Variants in FGF12 observed in about 807,000 individuals in gnomAD.
FGF12 encodes fibroblast growth factor 12.
Under a neutral mutation model 23.6 loss-of-function variants are expected in FGF12, and 14 were observed. The observed-to-expected ratio is 0.59, with a 90% CI of 0.39 to 0.93. The LOEUF (loss-of-function observed/expected upper bound fraction) is 0.93, where lower values mean the gene tolerates loss of function less well. Among genes scored for constraint, FGF12 ranks in the 40% least tolerant of loss-of-function variants. The pLI, the probability that FGF12 is intolerant of heterozygous loss-of-function variation, is 0.00. For missense variants in FGF12, 175 were observed against 217.8 expected (o/e 0.80, Z 1.24); for synonymous variants, 62 against 77.3 (o/e 0.80, Z 1.04).
chr3:192,194,232 T>A (rs113303588), intron 4 of FGF12, among the ~76,000 whole-genome samples: 1 of 152,226 alleles, frequency 6.6e-6, no homozygotes, highest in African/African-American at 2.4e-5. Flanking sequence ...TATCTTGTGG[T>A]CTGCCCAAAT....
rs151012248 is a variant in FGF12, at chr3:192,539,889, A to G, written c.14-179351T>C. 3.9e-4 allele frequency among the ~76,000 whole-genome samples: 59 copies of G among 152,004 alleles called. No individual in the cohort carries two copies. In the East Asian group the frequency reaches 8.9e-3, roughly 23 times the overall value. ...GTTTCAATCTTGGTGGGTTATATGC[A>G]TCTAGGAATGTATGCATTTCTTCTA... is the stretch of plus-strand genomic sequence containing the variant. On this transcript the variant is annotated intron_variant, in intron 2 of 5. Transcript: ENST00000445105.
At chr3:192,640,692 T>C (rs578122511) in intron 2 of FGF12, among the ~76,000 whole-genome samples, 2 of 152,354 alleles carry the variant, frequency 1.3e-5, no homozygotes, top group South Asian at 2.1e-4. Flanking sequence ...TTCATTTTTC[T>C]ATATACAATT....
chr3:192,542,610 T>G (rs1725398307), intron 2 of FGF12, among the ~76,000 whole-genome samples: 1 of 152,150 alleles, frequency 6.6e-6, no homozygotes, highest in African/African-American at 2.4e-5. Flanking sequence ...ATTGTAGTCT[T>G]CACAGTCTTT....
At chr3:192,226,068 A>C (rs1369751444) in intron 4 of FGF12, among the ~76,000 whole-genome samples, 5 of 152,166 alleles carry the variant, frequency 3.3e-5, no homozygotes, top group Non-Finnish European at 4.4e-5. Context: ...GTTAAAACAC[A>C]CTGAAGTCTC....
At chr3:192,229,736 C>T (rs1181386378) in intron 4 of FGF12, among the ~76,000 whole-genome samples, 1 of 152,064 alleles carries the variant, frequency 6.6e-6, no homozygotes, top group African/African-American at 2.4e-5. Flanking sequence ...AATAAACTAG[C>T]TGAACTACAT....
rs1435507321 is a variant in FGF12, at chr3:192,226,231, A to G, written c.229-55575T>C. The stretch of plus-strand genomic sequence containing the variant: ...GAAGTCCTGGTATGCTTTTTTCCCC[A>G]TGGCTTAGGGCATTTTTTGAATATC... On this transcript the variant is annotated intron_variant, in intron 4 of 5. Transcript: ENST00000445105. Among the ~76,000 whole-genome samples the G allele has an allele frequency of 2.6e-5, 4 of 152,136 alleles. No homozygotes were observed. In the East Asian group the frequency reaches 5.8e-4, roughly 22 times the overall value.
intron 5 of FGF12, among the ~76,000 whole-genome samples, chr3:192,167,849 C>T (rs564327074): frequency 2.8e-5 from 4 of 142,042 alleles, no homozygotes; most frequent in African/African-American, 1.1e-4. Context: ...GATCTCAGCT[C>T]ACTGCAATCT....
intron 4 of FGF12, among the ~76,000 whole-genome samples, chr3:192,212,995 T>C (rs1718012796): frequency 6.6e-6 from 1 of 152,168 alleles, no homozygotes. Context: ...GTCCCAGAAG[T>C]GCAATGGTAC....
chr3:192,417,890 C>T (rs1303373535), intron 2 of FGF12, among the ~76,000 whole-genome samples: 1 of 151,990 alleles, frequency 6.6e-6, no homozygotes, highest in African/African-American at 2.4e-5. Context: ...TTGGAAGGTG[C>T]ATTTAAACTC....
At chr3:192,190,468 CTTT>C (rs34108891) in intron 4 of FGF12, among the ~76,000 whole-genome samples, 5 of 89,134 alleles carry the variant, frequency 5.6e-5, no homozygotes, top group Non-Finnish European at 8.2e-5. Flanking sequence ...GCCCAATACT[CTTT>C]TTTTTTTTTT....
At chr3:192,620,355 C>T (rs1334966039) in intron 2 of FGF12, among the ~76,000 whole-genome samples, 1 of 152,100 alleles carries the variant, frequency 6.6e-6, no homozygotes, top group East Asian at 1.9e-4. Context: ...GCACTCCTTA[C>T]AGTAATCGGA....
At chr3:192,673,820 T>C (rs1363420778) in intron 2 of FGF12, among the ~76,000 whole-genome samples, 1 of 151,206 alleles carries the variant, frequency 6.6e-6, no homozygotes. Flanking sequence ...TCCAAGACTT[T>C]ATTATTGTGA....
Position 192,514,594 on chromosome 3 carries a change from C to G in FGF12, c.14-154056G>C, listed in dbSNP as rs1269795131. ...CGCTGAATGAAGCAGAGGAGGGCGG[C>G]GGAGAGGGCCCCGGAAGAAGGGAAG... On this transcript the variant is annotated intron_variant, in intron 2 of 5. Coordinates refer to ENST00000445105, the MANE Select transcript of FGF12 (RefSeq NM_004113.6). The surrounding 1 kb of genome is among the most constrained non-coding windows in gnomAD (Gnocchi z 4.9). 3 of 694,026 alleles carry G rather than the reference C, an allele frequency of 4.3e-6. No homozygotes were observed. Among genetic ancestry groups the G allele is most frequent in the Non-Finnish European group, 5.3e-6 (3 of 563,712 alleles). The allele number at this position is 694,026 out of a possible 1,614,324, so 43.0% of individuals were successfully genotyped here. A position where few individuals can be genotyped will look rare whatever the true frequency, so the allele number is the denominator to read the frequency against.
At chr3:192,167,090 A>G (rs1037732883) in intron 5 of FGF12, among the ~76,000 whole-genome samples, 2 of 151,446 alleles carry the variant, frequency 1.3e-5, no homozygotes, top group Non-Finnish European at 2.9e-5. Flanking sequence ...AGCCTGAAGC[A>G]GAGTTTTTAG....
intron 2 of FGF12, among the ~76,000 whole-genome samples, chr3:192,691,259 T>C (rs1717933531): frequency 6.6e-6 from 1 of 152,094 alleles, no homozygotes; most frequent in African/African-American, 2.4e-5. Flanking sequence ...ACACGGAACA[T>C]TGTCGAGTAT....
intron 2 of FGF12, among the ~76,000 whole-genome samples, chr3:192,435,356 G>A (rs1254071990): frequency 1.3e-5 from 2 of 152,120 alleles, no homozygotes; most frequent in African/African-American, 4.8e-5. Flanking sequence ...TTTTAATTCT[G>A]AAATTGAAAA....
At chr3:192,631,919 G>A (rs1031455841) in intron 2 of FGF12, among the ~76,000 whole-genome samples, 1 of 152,158 alleles carries the variant, frequency 6.6e-6, no homozygotes, top group Non-Finnish European at 1.5e-5. Flanking sequence ...AAACTCCTGG[G>A]AGTCCAGCTC....
At chr3:192,180,816 G>A (rs531082211) in intron 4 of FGF12, among the ~76,000 whole-genome samples, 1 of 152,178 alleles carries the variant, frequency 6.6e-6, no homozygotes, top group Non-Finnish European at 1.5e-5. Context: ...CTTGTCAACT[G>A]GAACTGTGGG....
chr3:192,453,776 A>G (rs1286145912), intron 2 of FGF12, among the ~76,000 whole-genome samples: 4 of 152,094 alleles, frequency 2.6e-5, no homozygotes, highest in Admixed American at 6.6e-5. Context: ...TAGTCTCCCA[A>G]TTTCACGCTC....
Sources: allele counts gnomAD v4.1 joint callset (sites outside exome capture counted in the v4.1 genomes callset), GRCh38; gene constraint gnomAD v4.1.1; non-coding constraint Gnocchi (gnomAD v3.1); transcripts MANE v1.5; gene names NCBI Gene and HGNC (gene_info 2026-07-23, HGNC 2026-07-21).